DMD: variants seen among roughly 807,000 people sequenced by gnomAD.
DMD encodes mutant dystrophin.
In DMD, 63 loss-of-function variants were observed where a neutral mutation model predicts 330.1. The ratio of observed to expected loss-of-function variants is 0.19; its 90% CI spans 0.16 to 0.24. The LOEUF (loss-of-function observed/expected upper bound fraction) is 0.24, where lower values mean the gene tolerates loss of function less well. Among genes scored for constraint, DMD ranks in the 10% least tolerant of loss-of-function variants. DMD has a pLI of 1.00. For synonymous variants in DMD, 1,223 were observed against 959.8 expected, an observed-to-expected ratio of 1.27 and a Z score of -5.07; for missense variants, 3,344 against 2,684.1, an observed-to-expected ratio of 1.25 and a Z score of -5.43.
intron 1 of DMD, chrX:33,041,447 G>A (rs758343173): frequency 1.6e-5 from 19 of 1,201,806 alleles, no homozygotes; most frequent in Non-Finnish European, 1.8e-5. Context: ...GTGGTGAAGC[G>A]GTTGGTCAAA....
intron 45 of DMD, 106 bp downstream of exon 45, chrX:31,968,233 G>T: frequency 1.1e-6 from 1 of 950,467 alleles, no homozygotes; most frequent in Non-Finnish European, 1.5e-6. Flanking sequence ...GTTCTTTAAT[G>T]TTAGTGCCTT....
intron 9 of DMD, among the ~76,000 whole-genome samples, chrX:32,678,501 T>C (rs896041513): frequency 6.5e-5 from 7 of 107,596 alleles, no homozygotes; most frequent in African/African-American, 2.3e-4. Flanking sequence ...TGCGTGTCCG[T>C]GTGTGTGTGT....
At position 32,287,581 on chromosome X, in the gene DMD, G is replaced by T. The variant is rs1340785309; in HGVS notation, c.6238C>A (p.Gln2080Lys). 1.7e-6 allele frequency: 2 copies of T among 1,209,092 alleles called. No individual in the cohort carries two copies. The highest frequency in any genetic ancestry group is 3.5e-5 in the African/African-American group (2 of 57,036). The change falls in exon 43 of 79, where the codon CAG (glutamine) becomes AAG (lysine). Residue 2080 changes from glutamine to lysine, a missense_variant. By Grantham distance (53) the Gln-to-Lys change is moderately conservative (BLOSUM62 1). Coordinates refer to ENST00000357033, the MANE Select transcript of DMD (RefSeq NM_004006.3). The part of the protein sequence containing the change: ...ERVKLQEALS[Q>K]LDFQWEKVNK... ...ACTTTTTCCCATTGGAAATCAAGCT[G>T]GGAGAGAGCTTCCTGTAGCTTCACC...
At chrX:33,157,008 G>C (rs1246583009) in intron 1 of DMD, among the ~76,000 whole-genome samples, 4 of 111,939 alleles carry the variant, frequency 3.6e-5, no homozygotes, top group Non-Finnish European at 7.5e-5. Context: ...AGTAAGCTTT[G>C]ACAGTTCACA....
At position 31,839,807 on chromosome X, in the gene DMD, T is replaced by C. The variant is rs189154955; in HGVS notation, c.7099-2988A>G. ...TATATGATTTAGCATGAATATTTTATATAACCAACATCTGAATGTGGGACC... is the reference window on the plus strand; with the variant it reads ...TATATGATTTAGCATGAATATTTTACATAACCAACATCTGAATGTGGGACC... On this transcript the variant is annotated intron_variant, in intron 48 of 78. Transcript: ENST00000357033. Among the ~76,000 whole-genome samples the C allele has an allele frequency of 8.9e-4, 100 of 111,839 alleles. 1 individual carries two copies. The highest frequency in any genetic ancestry group is 3.2e-3 in the African/African-American group (99 of 30,722).
At chrX:31,407,564 C>T (rs2704911) in intron 60 of DMD, among the ~76,000 whole-genome samples, 35,202 of 103,744 alleles carry the variant, frequency 0.34, 5,467 homozygotes, top group African/African-American at 0.55. Context: ...CTTCACCTCC[C>T]GGGTTCACGC....
intron 1 of DMD, among the ~76,000 whole-genome samples, chrX:33,185,230 T>C (rs780021546): frequency 3.0e-4 from 34 of 111,699 alleles, no homozygotes; most frequent in African/African-American, 1.1e-3. Flanking sequence ...ATTGTATCTC[T>C]ACAAAAACGT....
At chrX:31,186,146 AAC>A (rs2041754194) in intron 67 of DMD, among the ~76,000 whole-genome samples, 1 of 112,122 alleles carries the variant, frequency 8.9e-6, no homozygotes, top group Non-Finnish European at 1.9e-5. Context: ...TAAATTTAGC[AAC>A]ACTATAATAA....
chrX:32,974,773 G>A (rs1455593456), intron 2 of DMD, among the ~76,000 whole-genome samples: 2 of 111,692 alleles, frequency 1.8e-5, no homozygotes, highest in Non-Finnish European at 3.8e-5. Context: ...CCAGGAGAAA[G>A]GCTGTGAAAT....
intron 1 of DMD, among the ~76,000 whole-genome samples, chrX:33,332,719 A>G (rs1262576750): frequency 5.4e-5 from 6 of 111,736 alleles, no homozygotes; most frequent in Non-Finnish European, 1.1e-4. Context: ...AAGTCAAATA[A>G]ATGGAAAATC....
chrX:32,225,121 C>T lies in DMD; in HGVS notation c.6291-8058G>A, dbSNP rs1038810519. ...TTGTATGGACACTGCCTTATGAAAC[C>T]TCATTTGCTTTCAAAGCTTCAACTA... On this transcript the variant is annotated intron_variant, in intron 43 of 78. Coordinates refer to ENST00000357033, the MANE Select transcript of DMD (RefSeq NM_004006.3). Among the ~76,000 whole-genome samples the T allele has an allele frequency of 1.4e-4, 16 of 111,872 alleles. No homozygotes were observed. The Admixed American group carries it at 1.4e-3, about 10-fold the overall frequency.
chrX:32,279,966 C>CATATATATGTACCCCACATAT (rs1557261060), intron 43 of DMD, among the ~76,000 whole-genome samples: 3 of 64,326 alleles, frequency 4.7e-5, no homozygotes, highest in Non-Finnish European at 6.5e-5. Context: ...ATGTGTAACC[C>CATATATATGTACCCCACATAT]ATATATATAT....
intron 52 of DMD, among the ~76,000 whole-genome samples, chrX:31,709,023 G>A (rs2084407102): frequency 8.9e-6 from 1 of 112,130 alleles, no homozygotes; most frequent in Non-Finnish European, 1.9e-5. Context: ...TGTAATCCCA[G>A]CTCTTTGGGG....
At chrX:33,233,343 G>A (rs1029637626) in intron 1 of DMD, among the ~76,000 whole-genome samples, 3 of 111,750 alleles carry the variant, frequency 2.7e-5, no homozygotes, top group African/African-American at 9.8e-5. Context: ...CTGTACATTA[G>A]GGTTCACAGC....
chrX:31,856,875 A>G (rs17330104), intron 48 of DMD, among the ~76,000 whole-genome samples: 14,147 of 111,999 alleles, frequency 0.13, 759 homozygotes, highest in Admixed American at 0.26. Flanking sequence ...TCATCAAATA[A>G]TTTTAAAGAC....
At chrX:32,922,161 A>C (rs1046350746) in intron 2 of DMD, among the ~76,000 whole-genome samples, 38 of 108,015 alleles carry the variant, frequency 3.5e-4, no homozygotes, top group African/African-American at 1.3e-3. Flanking sequence ...GATAGGTTTG[A>C]AAGCCCTGAC....
intron 18 of DMD, among the ~76,000 whole-genome samples, chrX:32,506,002 G>C (rs2044578696): frequency 8.9e-6 from 1 of 112,198 alleles, no homozygotes; most frequent in African/African-American, 3.2e-5. Context: ...ACAATCAGTG[G>C]TTTCTAGAGA....
At chrX:31,840,831 C>T (rs559517978) in intron 48 of DMD, among the ~76,000 whole-genome samples, 1 of 110,545 alleles carries the variant, frequency 9.0e-6, no homozygotes, top group African/African-American at 3.3e-5. Flanking sequence ...TCTGAACGCT[C>T]CACTGACCAG....
intron 2 of DMD, among the ~76,000 whole-genome samples, chrX:32,887,745 C>CA (rs771100080): frequency 0.033 from 215 of 6,488 alleles, 41 homozygotes; most frequent in Non-Finnish European, 0.052. Context: ...AAGACTGTCT[C>CA]AAAAAAAAAA....
Sources: allele counts gnomAD v4.1 joint callset (sites outside exome capture counted in the v4.1 genomes callset), GRCh38; gene constraint gnomAD v4.1.1; transcripts MANE v1.5; gene names NCBI Gene and HGNC (gene_info 2026-07-23, HGNC 2026-07-21).